Variants in TRPM3 observed in about 807,000 individuals in gnomAD.
The protein encoded by TRPM3 is transient receptor potential cation channel subfamily M member 3.
In TRPM3, 77 loss-of-function variants were observed where a neutral mutation model predicts 181.2. The observed-to-expected ratio is 0.42, with a 90% confidence interval of 0.35 to 0.51. The LOEUF (loss-of-function observed/expected upper bound fraction) is 0.51. Among genes scored for constraint, TRPM3 ranks in the 20% least tolerant of loss-of-function variants. The probability of loss-of-function intolerance (pLI) is 0.01; values close to 1 mark genes in which losing one functional copy is unlikely to be tolerated. For synonymous variants in TRPM3, 745 were observed against 796.4 expected, an observed-to-expected ratio of 0.94 and a Z score of 1.09; for missense variants, 1,759 against 2,196.7, an observed-to-expected ratio of 0.80 and a Z score of 3.98.
At chr9:71,283,648 C>A (rs2085040268) in intron 1 of TRPM3, among the ~76,000 whole-genome samples, 1 of 152,088 alleles carries the variant, frequency 6.6e-6, no homozygotes, top group African/African-American at 2.4e-5. Context: ...ATTTATATAC[C>A]ACGTTTTGTT....
At chr9:70,931,253 A>T (rs1460909229) in intron 1 of TRPM3, among the ~76,000 whole-genome samples, 1 of 152,164 alleles carries the variant, frequency 6.6e-6, no homozygotes, top group Non-Finnish European at 1.5e-5. Flanking sequence ...CTTGGAATGT[A>T]TAATTCGAAT....
At chr9:70,690,771 A>C (rs2068294404) in intron 8 of TRPM3, among the ~76,000 whole-genome samples, 1 of 152,184 alleles carries the variant, frequency 6.6e-6, no homozygotes, top group Non-Finnish European at 1.5e-5. Flanking sequence ...TCCAAACAGG[A>C]TTCCTGATCA....
intron 22 of TRPM3, among the ~76,000 whole-genome samples, chr9:70,558,676 G>A (rs2048331062): frequency 6.6e-6 from 1 of 152,134 alleles, no homozygotes; most frequent in Admixed American, 6.6e-5. Flanking sequence ...GGAAACTTTG[G>A]CCAAGCACCT....
At chr9:70,897,500 C>G (rs1016238553) in intron 1 of TRPM3, among the ~76,000 whole-genome samples, 3 of 151,930 alleles carry the variant, frequency 2.0e-5, no homozygotes, top group African/African-American at 7.3e-5. Flanking sequence ...GGAATTAGAT[C>G]TCAATTTTCA....
At chr9:71,008,547 A>G (rs1202714933) in intron 1 of TRPM3, among the ~76,000 whole-genome samples, 2 of 152,152 alleles carry the variant, frequency 1.3e-5, no homozygotes, top group Non-Finnish European at 2.9e-5. Flanking sequence ...ACAACACATA[A>G]AAAGATCATT....
Position 70,945,988 on chromosome 9 carries a change from C to G in TRPM3, c.178-81477G>C, listed in dbSNP as rs75940669. On this transcript the variant is annotated intron_variant, in intron 1 of 25. Transcript: ENST00000677713. ...ACCCTGGACTAGGGAGATCTACAAG[C>G]AGCTTTGGTCAGAAAAGTGAAGCAG... Among the ~76,000 whole-genome samples, 732 of 152,240 alleles carry G rather than the reference C, an allele frequency of 4.8e-3. 3 individuals are homozygous for G. The highest frequency in any genetic ancestry group is 0.017 in the African/African-American group (696 of 41,538).
At chr9:71,129,691 T>G (rs1246898105) in intron 1 of TRPM3, among the ~76,000 whole-genome samples, 2 of 152,190 alleles carry the variant, frequency 1.3e-5, no homozygotes, top group Non-Finnish European at 2.9e-5. Context: ...ATAAAAATAT[T>G]TATATAGGGT....
intron 1 of TRPM3, among the ~76,000 whole-genome samples, chr9:70,970,955 A>T (rs2097237674): frequency 6.6e-6 from 1 of 152,064 alleles, no homozygotes; most frequent in Admixed American, 6.6e-5. Flanking sequence ...AAAATAGAAA[A>T]TTTTTTGCCT....
chr9:70,860,732 T>C (rs2095500204), intron 3 of TRPM3, among the ~76,000 whole-genome samples: 1 of 152,174 alleles, frequency 6.6e-6, no homozygotes, highest in African/African-American at 2.4e-5. Context: ...TTTCGAAGTA[T>C]TTAGTCAAAA....
Position 70,752,039 on chromosome 9 carries a change from TGTGTGTGTGTGCGC to T in TRPM3, c.1272+9548_1272+9561del, listed in dbSNP as rs1444817344. Among the ~76,000 whole-genome samples, 171 of 116,958 alleles carry T rather than the reference TGTGTGTGTGTGCGC, an allele frequency of 1.5e-3. 1 individual carries two copies. Among genetic ancestry groups the T allele is most frequent in the African/African-American group, 5.1e-3 (162 of 31,666 alleles). 76.7% of individuals were successfully genotyped at this position (116,958 alleles called of 152,430 possible). ...GTGTGTGTGTGTGTGTGTGTGTGTG[TGTGTGTGTGTGCGC>T]GCGCGCGCGCATACACATGTACATG... On this transcript the variant is annotated intron_variant, in intron 8 of 25. Coordinates refer to ENST00000677713, the MANE Select transcript of TRPM3 (RefSeq NM_001366145.2).
At position 71,359,199 on chromosome 9, in the gene TRPM3, A is replaced by G. The variant is rs144880731; in HGVS notation, c.183+87454T>C. Among the ~76,000 whole-genome samples the G allele has an allele frequency of 4.5e-3, 692 of 152,322 alleles. 1 individual carries two copies. The highest frequency in any genetic ancestry group is 8.0e-3 in the Non-Finnish European group (544 of 68,012). On this transcript the variant is annotated intron_variant, in intron 1 of 24. Coordinates refer to the TRPM3 transcript ENST00000357533. ...AGTCTTAGAGCTTGAATGTGAGGTA[A>G]TGAATCTGTTGGAATTTGCACAATC...
At chr9:70,946,841 T>C (rs775554279) in intron 1 of TRPM3, among the ~76,000 whole-genome samples, 7 of 152,164 alleles carry the variant, frequency 4.6e-5, no homozygotes, top group Non-Finnish European at 8.8e-5. Flanking sequence ...TAATGTATAA[T>C]CTATTGCGTC....
chr9:71,017,965 AATC>A (rs1165866481), intron 1 of TRPM3, among the ~76,000 whole-genome samples: 1 of 151,886 alleles, frequency 6.6e-6, no homozygotes, highest in Non-Finnish European at 1.5e-5. Context: ...TTCAACATAA[AATC>A]ATGTAAATGT....
Position 70,697,462 on chromosome 9 carries a change from C to T in TRPM3, c.1273-15884G>A, listed in dbSNP as rs7860736. ...ATGGACATAGAAACGTACATACATT[C>T]TATCACTGAATAGTTGAGTTTATTC... On this transcript the variant is annotated intron_variant, in intron 8 of 25. Coordinates refer to ENST00000677713, the MANE Select transcript of TRPM3 (RefSeq NM_001366145.2). Among the ~76,000 whole-genome samples, 14 of 152,206 alleles carry T rather than the reference C, an allele frequency of 9.2e-5. No homozygotes were observed. The South Asian group carries it at 2.9e-3, about 32-fold the overall frequency.
chr9:71,442,678 C>T (rs1165295921), intron 1 of TRPM3, among the ~76,000 whole-genome samples: 2 of 152,104 alleles, frequency 1.3e-5, no homozygotes, highest in African/African-American at 4.8e-5. Context: ...TAATTGAAAT[C>T]TAAATTATTT....
At chr9:70,592,163 C>T (rs1221005494) in intron 21 of TRPM3, among the ~76,000 whole-genome samples, 1 of 152,084 alleles carries the variant, frequency 6.6e-6, no homozygotes, top group Non-Finnish European at 1.5e-5. Flanking sequence ...TGGCCAGAAC[C>T]CATTACCTCC....
At chr9:71,216,933 C>CTTT (rs1565351412) in intron 1 of TRPM3, among the ~76,000 whole-genome samples, 1 of 128,790 alleles carries the variant, frequency 7.8e-6, no homozygotes, top group African/African-American at 3.2e-5. Flanking sequence ...GTCAGTGGCC[C>CTTT]TTTCTTTTTT....
In TRPM3 at chr9:71,007,039, C is replaced by CAAAAAAAAAAAAAAAAAAAAAAAAAA. The variant is rs59442017; in HGVS notation, c.177+114138_177+114139insTTTTTTTTTTTTTTTTTTTTTTTTTT. On this transcript the variant is annotated intron_variant, in intron 1 of 25. Coordinates refer to ENST00000677713, the MANE Select transcript of TRPM3 (RefSeq NM_001366145.2). The stretch of plus-strand genomic sequence containing the variant: ...AGGCAACAAGAGCGAAACTCCATCT[C>CAAAAAAAAAAAAAAAAAAAAAAAAAA]AAAAAAAAAAAAAAAAAAAAAAAAG... Among the ~76,000 whole-genome samples the CAAAAAAAAAAAAAAAAAAAAAAAAAA allele has an allele frequency of 6.8e-4, 19 of 27,976 alleles. 1 individual carries two copies. Among genetic ancestry groups the CAAAAAAAAAAAAAAAAAAAAAAAAAA allele is most frequent in the Admixed American group, 2.1e-3 (3 of 1,412 alleles). The allele number at this position is 27,976 out of a possible 152,430, so 18.4% of individuals were successfully genotyped here.
chr9:71,272,463 CA>C (rs1457109477), intron 1 of TRPM3, among the ~76,000 whole-genome samples: 2 of 152,104 alleles, frequency 1.3e-5, no homozygotes, highest in Non-Finnish European at 2.9e-5. Flanking sequence ...TTGGTATATT[CA>C]TTAGCTCATT....
Sources: gnomAD v4.1 joint callset for allele counts (sites outside exome capture counted in the v4.1 genomes callset) on GRCh38, gnomAD v4.1.1 for gene constraint, MANE v1.5 for transcripts, NCBI Gene and HGNC (gene_info 2026-07-23, HGNC 2026-07-21) for gene names.